Variants in TEAD4 observed in about 807,000 individuals in gnomAD.
TEAD4 encodes the protein TEA domain transcription factor 4, also known as transcriptional enhancer factor TEF-3.
A neutral mutation model predicts 52.4 loss-of-function variants in TEAD4; 36 were observed. The ratio of observed to expected loss-of-function variants is 0.69; its 90% CI spans 0.53 to 0.91. The LOEUF (loss-of-function observed/expected upper bound fraction) is 0.91. Ranked by LOEUF, TEAD4 falls within the 40% of genes least tolerant of loss-of-function variation. TEAD4 has a pLI of 0.00. For synonymous variants in TEAD4, 220 were observed against 231.0 expected (o/e 0.95, Z 0.43); for missense variants, 508 against 583.9 (o/e 0.87, Z 1.34).
At chr12:2,978,487 G>T (rs938012316) in intron 2 of TEAD4, among the ~76,000 whole-genome samples, 6 of 149,328 alleles carry the variant, frequency 4.0e-5, no homozygotes, top group African/African-American at 1.5e-4. Context: ...ATCTTGGCTC[G>T]CTGCCTCCGG....
chr12:2,976,862 TATCTC>T (rs1227547088), intron 2 of TEAD4, among the ~76,000 whole-genome samples: 2 of 152,118 alleles, frequency 1.3e-5, no homozygotes, highest in Non-Finnish European at 2.9e-5. Context: ...TTAGGAATCT[TATCTC>T]CCTCTGTTGC....
At chr12:3,011,218 G>A (rs1343838529) in intron 4 of TEAD4, 150 bp downstream of exon 4, 2 of 703,322 alleles carry the variant, frequency 2.8e-6, no homozygotes, top group Non-Finnish European at 4.8e-6. Flanking sequence ...TGTCACAGGT[G>A]GTCCAGTTTT....
At chr12:2,962,793 A>G (rs1391519936) in intron 2 of TEAD4, among the ~76,000 whole-genome samples, 5 of 152,280 alleles carry the variant, frequency 3.3e-5, no homozygotes, top group African/African-American at 7.2e-5. Context: ...AGATGGGGAA[A>G]CTGATGCTCC....
rs188330099 is a variant in TEAD4, at chr12:2,994,367, C to T, written c.-29-371C>T. Among the ~76,000 whole-genome samples the T allele has an allele frequency of 6.5e-4, 99 of 152,316 alleles. 1 individual carries two copies. The highest frequency in any genetic ancestry group is 5.6e-3 in the Admixed American group (86 of 15,308). The stretch of plus-strand genomic sequence containing the variant: ...CTGGGATTACAGGCGTGAGCCACAG[C>T]GCCCGGCCTGTACCATTTTGCATTC... On this transcript the variant is annotated intron_variant, in intron 2 of 12. Coordinates refer to ENST00000359864, the MANE Select transcript of TEAD4 (RefSeq NM_003213.4). This position sits in a 1 kb window ranked among gnomAD's most constrained non-coding sequence, Gnocchi z 4.7.
chr12:2,972,281 T>G (rs1335654034), intron 2 of TEAD4, among the ~76,000 whole-genome samples: 1 of 151,850 alleles, frequency 6.6e-6, no homozygotes, highest in Admixed American at 6.6e-5. Context: ...AGGATCTCAC[T>G]GTGTTGCCCA....
chr12:3,003,241 G>C (rs1373887599), intron 3 of TEAD4, among the ~76,000 whole-genome samples: 1 of 152,236 alleles, frequency 6.6e-6, no homozygotes, highest in East Asian at 1.9e-4. Flanking sequence ...CAGCTCCTCA[G>C]TCCTTTTCAA....
At chr12:3,033,207 G>A (rs1349938023) in intron 10 of TEAD4, among the ~76,000 whole-genome samples, 2 of 152,186 alleles carry the variant, frequency 1.3e-5, no homozygotes, top group Admixed American at 6.5e-5. Context: ...CTGAGTTACT[G>A]CTCTTACTGA....
At chr12:3,028,874 G>A (rs890046446) in intron 10 of TEAD4, among the ~76,000 whole-genome samples, 5 of 151,808 alleles carry the variant, frequency 3.3e-5, no homozygotes, top group Non-Finnish European at 7.4e-5. Context: ...CAAGCGATTC[G>A]CCTGCCTCAA....
intron 10 of TEAD4, among the ~76,000 whole-genome samples, chr12:3,026,918 G>A (rs1239892109): frequency 1.3e-5 from 2 of 152,138 alleles, no homozygotes; most frequent in Non-Finnish European, 2.9e-5. Context: ...GATGTTTGAT[G>A]GATGTAGTTT....
In TEAD4 at chr12:2,959,849, G is replaced by T. The variant is rs2098213796; in HGVS notation, c.-122-99G>T. On this transcript the variant is annotated intron_variant, in intron 1 of 12. Transcript: ENST00000359864. This position sits in a 1 kb window ranked among gnomAD's most constrained non-coding sequence, Gnocchi z 5.1. The stretch of plus-strand genomic sequence containing the variant: ...GCTGGGCGCACCGGGGCCGGTCGGC[G>T]CGGGGTGGGCTTGGCCCCGCGGCCC... 6.6e-6 allele frequency: 1 copy of T among 151,522 alleles called. No homozygotes were observed. 9.4% of individuals were successfully genotyped at this position (151,522 alleles called of 1,614,324 possible). A position where few individuals can be genotyped will look rare whatever the true frequency, so the allele number is the denominator to read the frequency against.
chr12:3,035,121 T>C (rs2153958539), intron 10 of TEAD4, among the ~76,000 whole-genome samples: 1 of 146,676 alleles, frequency 6.8e-6, no homozygotes, highest in South Asian at 2.3e-4. Context: ...ATTAAAAAAA[T>C]AGTTATATAG....
At chr12:3,015,411 C>T (rs2098263716) in intron 5 of TEAD4, among the ~76,000 whole-genome samples, 1 of 152,242 alleles carries the variant, frequency 6.6e-6, no homozygotes, top group African/African-American at 2.4e-5. Context: ...TCTTGAAAAC[C>T]TTCCGTGGGC....
At chr12:2,960,930 C>T (rs561221175) in intron 2 of TEAD4, among the ~76,000 whole-genome samples, 1 of 152,096 alleles carries the variant, frequency 6.6e-6, no homozygotes, top group Non-Finnish European at 1.5e-5. Context: ...TCCCCTGGAC[C>T]GGGCAGAGCT....
At chr12:3,020,305 G>A (rs955821163) in intron 8 of TEAD4, among the ~76,000 whole-genome samples, 1 of 152,216 alleles carries the variant, frequency 6.6e-6, no homozygotes, top group African/African-American at 2.4e-5. Flanking sequence ...CTTGAGGGCA[G>A]GAACTTAACA....
intron 2 of TEAD4, among the ~76,000 whole-genome samples, chr12:2,986,278 C>G (rs190482551): frequency 1.3e-5 from 2 of 151,918 alleles, no homozygotes; most frequent in East Asian, 3.9e-4. Flanking sequence ...GAATGCCTCC[C>G]GAAGGGCCTG....
chr12:3,024,352 T>C (rs184060715), intron 10 of TEAD4, among the ~76,000 whole-genome samples: 1 of 152,300 alleles, frequency 6.6e-6, no homozygotes, highest in East Asian at 1.9e-4. Context: ...ATGTTCACAT[T>C]TTTTGACAAT....
At chr12:3,031,800 AC>A (rs1397684560) in intron 10 of TEAD4, among the ~76,000 whole-genome samples, 1 of 152,196 alleles carries the variant, frequency 6.6e-6, no homozygotes, top group Non-Finnish European at 1.5e-5. Context: ...AGTTCATAGT[AC>A]CAGACCCATA....
chr12:3,020,589 G>A lies in TEAD4; in HGVS notation c.584-45G>A, dbSNP rs575441064. ...TCCTTGCAGAGGGTGCGGGCAGGGC[G>A]GGTGTCCGTGACCAGGTTCCATGTG... is the stretch of plus-strand genomic sequence containing the variant. On this transcript the variant is annotated intron_variant, in intron 8 of 12. Coordinates refer to ENST00000359864, the MANE Select transcript of TEAD4 (RefSeq NM_003213.4). 5.9e-5 allele frequency: 88 copies of A among 1,486,934 alleles called. No homozygotes were observed. The Middle Eastern group carries it at 1.1e-3, about 18-fold the overall frequency. The allele number at this position is 1,486,934 out of a possible 1,614,324, so 92.1% of individuals were successfully genotyped here. A position where few individuals can be genotyped will look rare whatever the true frequency, so the allele number is the denominator to read the frequency against.
At chr12:3,028,140 A>G (rs73248853) in intron 10 of TEAD4, among the ~76,000 whole-genome samples, 27,458 of 152,176 alleles carry the variant, frequency 0.18, 4,242 homozygotes, top group African/African-American at 0.42. Context: ...TTCAAGGTTC[A>G]ACCATGTTGT....
Sources: allele counts gnomAD v4.1 joint callset (sites outside exome capture counted in the v4.1 genomes callset), GRCh38; gene constraint gnomAD v4.1.1; non-coding constraint Gnocchi (gnomAD v3.1); transcripts MANE v1.5; gene names NCBI Gene and HGNC (gene_info 2026-07-23, HGNC 2026-07-21).